The following PTAR1 variants were observed in gnomAD, a reference collection of about 807,000 sequenced individuals.
PTAR1 encodes the protein protein prenyltransferase alpha subunit repeat-containing protein 1.
In PTAR1, 17 loss-of-function variants were observed where a neutral mutation model predicts 45.5. That is an observed-to-expected ratio of 0.37 (90% confidence interval 0.26 to 0.56). The LOEUF is 0.56. Among genes scored for constraint, PTAR1 ranks in the 20% least tolerant of loss-of-function variants. The pLI is 0.77. For missense variants in PTAR1, 391 were observed against 476.3 expected (o/e 0.82, Z 1.67); for synonymous variants, 169 against 171.3 (o/e 0.99, Z 0.11).
At position 69,732,350 on chromosome 9, in the gene PTAR1, C is replaced by T. The variant is rs1012272162; in HGVS notation, c.431G>A (p.Arg144Gln). Residue 144 changes from arginine (R) to glutamine (Q), a missense_variant and splice_region_variant, in exon 5 of 8, where the codon CGA (arginine) becomes CAA (glutamine). By Grantham distance (43) the Arg-to-Gln change is conservative. Around this residue, in one of 5 missense-constraint regions of PTAR1, gnomAD observed 9 missense variants for 27.7 expected, o/e 0.33. Transcript: ENST00000340434. ...PKSPETWIHR[R>Q]WVLQQLIQET... ...CTGAATTAGCTGTTGTAGCACCCATCGCCTGTTAAGGCAGCATGTGGGAAA... is the reference window on the plus strand; with the variant it reads ...CTGAATTAGCTGTTGTAGCACCCATTGCCTGTTAAGGCAGCATGTGGGAAA... 3 of 1,611,532 alleles carry T rather than the reference C, an allele frequency of 1.9e-6. No individual in the cohort carries two copies. The highest frequency in any genetic ancestry group is 1.6e-4 in the Middle Eastern group (1 of 6,074).
intron 6 of PTAR1, 86 bp downstream of exon 6, chr9:69,723,240 G>T: frequency 8.9e-7 from 1 of 1,118,294 alleles, no homozygotes; most frequent in Non-Finnish European, 1.3e-6. Flanking sequence ...ACCCAAGCAG[G>T]CAGGAATCAG....
intron 1 of PTAR1, among the ~76,000 whole-genome samples, chr9:69,759,288 T>C (rs967937536): frequency 6.0e-5 from 3 of 49,898 alleles, no homozygotes; most frequent in Admixed American, 3.2e-4. Context: ...CTCTTGAGAA[T>C]GTTCTGTTCA....
chr9:69,720,098 T>C (rs1196337885), intron 6 of PTAR1, among the ~76,000 whole-genome samples: 1 of 152,198 alleles, frequency 6.6e-6, no homozygotes, highest in Non-Finnish European at 1.5e-5. Context: ...GTCTCTCACT[T>C]TAAATCAAAA....
intron 3 of PTAR1, among the ~76,000 whole-genome samples, chr9:69,735,564 A>G (rs1488168953): frequency 6.6e-6 from 1 of 152,176 alleles, no homozygotes; most frequent in East Asian, 1.9e-4. Context: ...AATGTCATGC[A>G]AGAGCTTTCT....
intron 3 of PTAR1, among the ~76,000 whole-genome samples, chr9:69,739,393 A>G (rs1365415466): frequency 6.6e-6 from 1 of 151,460 alleles, no homozygotes; most frequent in Non-Finnish European, 1.5e-5. Context: ...AAATTTCCAA[A>G]GCAAAAAAAA....
chr9:69,734,048 T>C (rs1046041951), intron 4 of PTAR1, 102 bp downstream of exon 4: 3 of 695,300 alleles, frequency 4.3e-6, no homozygotes, highest in Admixed American at 2.7e-5. Context: ...TCAGAATTCA[T>C]GCTCTGGAAC....
intron 1 of PTAR1, chr9:69,757,509 G>C (rs1369468216): frequency 6.6e-6 from 1 of 152,172 alleles, no homozygotes; most frequent in Admixed American, 6.5e-5. Flanking sequence ...AACTGAGGCT[G>C]AGAGAAGGTA....
chr9:69,738,857 G>A (rs923951875), intron 3 of PTAR1, among the ~76,000 whole-genome samples: 3 of 149,584 alleles, frequency 2.0e-5, no homozygotes, highest in African/African-American at 7.4e-5. Context: ...CACCAGGCTG[G>A]AGTGCAGTGG....
intron 2 of PTAR1, among the ~76,000 whole-genome samples, chr9:69,744,341 G>C (rs556973875): frequency 2.0e-5 from 3 of 151,308 alleles, no homozygotes; most frequent in Non-Finnish European, 4.4e-5. Flanking sequence ...AAAGTTTAAA[G>C]GCTTTCCTAA....
rs760115640 is a variant in PTAR1 at position 69,723,647 on chromosome 9, A to T, written c.643-17T>A. The T allele has an allele frequency of 6.4e-7, 1 of 1,574,434 alleles. No individual in the cohort carries two copies. The highest frequency in any genetic ancestry group is 1.2e-5 in the South Asian group (1 of 86,448). On this transcript the variant is annotated splice_polypyrimidine_tract_variant and intron_variant, in intron 5 of 7. Coordinates refer to ENST00000340434, the MANE Select transcript of PTAR1 (RefSeq NM_001099666.2). ...AAGAAGAATCTTTTAAGAAGAAAAA[A>T]GGGAAGTAAGAAGAAGAGTTCCCAA... is the stretch of plus-strand genomic sequence containing the variant.
chr9:69,734,944 TC>T (rs1445965299), intron 3 of PTAR1, among the ~76,000 whole-genome samples: 2 of 152,198 alleles, frequency 1.3e-5, no homozygotes, highest in African/African-American at 4.8e-5. Flanking sequence ...GCTATGCTTT[TC>T]CCTTCTTGTT....
Position 69,759,952 on chromosome 9 carries a change from G to A in PTAR1, c.-14C>T, listed in dbSNP as rs778897750. The A allele has an allele frequency of 1.3e-6, 2 of 1,487,972 alleles. No individual in the cohort carries two copies. Among genetic ancestry groups the A allele is most frequent in the Non-Finnish European group, 1.8e-6 (2 of 1,117,086 alleles). 92.2% of individuals were successfully genotyped at this position (1,487,972 alleles called of 1,614,324 possible). The stretch of plus-strand genomic sequence containing the variant: ...GGTCTCGGCCATGTTGGCGGCGGCC[G>A]CGACAGTTCGGGCGCGCCTCCGCGT... On this transcript the variant is annotated 5_prime_UTR_variant, in exon 1 of 8. Transcript: ENST00000340434.
rs759319278 is a variant in PTAR1 at position 69,723,608 on chromosome 9, G to C, written c.665C>G (p.Ser222Cys). The C allele has an allele frequency of 2.5e-6, 4 of 1,609,156 alleles. No individual in the cohort carries two copies. Among genetic ancestry groups the C allele is most frequent in the Non-Finnish European group, 3.4e-6 (4 of 1,176,868 alleles). Residue 222 changes from serine to cysteine, a missense_variant, in exon 6 of 8, where the codon TCT (serine) becomes TGT (cysteine). Ser to Cys is a moderately radical substitution (Grantham distance 112). Coordinates refer to ENST00000340434, the MANE Select transcript of PTAR1 (RefSeq NM_001099666.2). Reference protein sequence around the residue: ...DVKILLDELSSTKHWASMHVS... With the variant: ...DVKILLDELSCTKHWASMHVS... ...GTGCATAGATGCCCAATGTTTAGTAGAAGATAGTTCATCAAGAAGAATCTT... is the reference window on the plus strand; with the variant it reads ...GTGCATAGATGCCCAATGTTTAGTACAAGATAGTTCATCAAGAAGAATCTT...
rs34148439 is a variant in PTAR1 at position 69,738,809 on chromosome 9, A to ATT, written c.323+2981_323+2982dup. ...TAAAAAAAATTTCCCTAACACCTCA[A>ATT]TTTTTTTTTTTTTTTTTGAGACGGA... On this transcript the variant is annotated intron_variant, in intron 3 of 7. Transcript: ENST00000340434. Among the ~76,000 whole-genome samples, 1,077 of 137,054 alleles carry ATT rather than the reference A, an allele frequency of 7.9e-3. 17 individuals carry two copies. The highest frequency in any genetic ancestry group is 0.016 in the Middle Eastern group (4 of 252). 89.9% of individuals were successfully genotyped at this position (137,054 alleles called of 152,430 possible). A position where few individuals can be genotyped will look rare whatever the true frequency, so the allele number is the denominator to read the frequency against.
intron 1 of PTAR1, among the ~76,000 whole-genome samples, chr9:69,755,130 G>A (rs1351891596): frequency 6.6e-6 from 1 of 152,046 alleles, no homozygotes; most frequent in African/African-American, 2.4e-5. Flanking sequence ...TATTTAACAA[G>A]GTATTCAATT....
chr9:69,759,812 C>T (rs973954726), intron 1 of PTAR1, 41 bp downstream of exon 1: 1 of 1,504,354 alleles, frequency 6.6e-7, no homozygotes, highest in South Asian at 1.2e-5. Context: ...CCCCCGCCCG[C>T]TCCCGACGAC....
intron 3 of PTAR1, among the ~76,000 whole-genome samples, chr9:69,737,145 T>C (rs887658509): frequency 1.3e-5 from 2 of 152,010 alleles, no homozygotes; most frequent in East Asian, 3.9e-4. Context: ...AGTGGCACAA[T>C]CTTGGCTCAC....
intron 3 of PTAR1, 52 bp downstream of exon 3, chr9:69,741,740 G>A: frequency 3.3e-6 from 4 of 1,225,294 alleles, no homozygotes; most frequent in South Asian, 1.3e-5. Context: ...GGGCTTACAT[G>A]TCTTCAGAAA....
intron 2 of PTAR1, among the ~76,000 whole-genome samples, chr9:69,745,344 T>C (rs968493798): frequency 6.6e-6 from 1 of 152,250 alleles, no homozygotes; most frequent in African/African-American, 2.4e-5. Context: ...TACAATTTTC[T>C]AAAAAGTGAT....
Sources: allele counts gnomAD v4.1 joint callset (sites outside exome capture counted in the v4.1 genomes callset), GRCh38; gene constraint gnomAD v4.1.1; regional missense constraint gnomAD v4.1.1; transcripts MANE v1.5; gene names NCBI Gene and HGNC (gene_info 2026-07-23, HGNC 2026-07-21).